CAPN15: variants seen among roughly 807,000 people sequenced by gnomAD.
CAPN15 encodes the protein calpain-15.
Under a neutral mutation model 97.9 loss-of-function variants are expected in CAPN15, and 53 were observed. The ratio of observed to expected loss-of-function variants is 0.54; its 90% CI spans 0.43 to 0.68. The LOEUF (loss-of-function observed/expected upper bound fraction) is 0.68. CAPN15 is among the 30% of genes least tolerant of loss of function. The pLI is 0.00. For missense variants in CAPN15, 1,592 were observed against 1,589.8 expected (o/e 1.00, Z -0.02); for synonymous variants, 922 against 722.5 (o/e 1.28, Z -4.43).
At position 553,577 on chromosome 16, in the gene CAPN15, T is replaced by C. The variant is rs2035265219; in HGVS notation, c.*61T>C. ...ACCCCCCACCCCCACACGCACTTTATGAGGGAGACCCCGACAGAGGACGCT... is the reference window on the plus strand; with the variant it reads ...ACCCCCCACCCCCACACGCACTTTACGAGGGAGACCCCGACAGAGGACGCT... On this transcript the variant is annotated 3_prime_UTR_variant, in exon 14 of 14. Coordinates refer to ENST00000219611, the MANE Select transcript of CAPN15 (RefSeq NM_005632.3). 2.2e-5 allele frequency: 23 copies of C among 1,050,880 alleles called. 1 individual carries two copies. The South Asian group carries it at 3.3e-4, about 15-fold the overall frequency. The allele number at this position is 1,050,880 out of a possible 1,614,324, so 65.1% of individuals were successfully genotyped here. A position where few individuals can be genotyped will look rare whatever the true frequency, so the allele number is the denominator to read the frequency against.
chr16:548,416 C>A, intron 4 of CAPN15, 129 bp downstream of exon 4: 1 of 929,426 alleles, frequency 1.1e-6, no homozygotes. Flanking sequence ...GGGAGGGCAG[C>A]ACCCTCCGCC....
In CAPN15 at chr16:551,507, T is replaced by A. The variant is rs2035077450; in HGVS notation, c.2193-5T>A. On this transcript the variant is annotated splice_polypyrimidine_tract_variant and splice_region_variant and intron_variant, in intron 8 of 13. Coordinates refer to ENST00000219611, the MANE Select transcript of CAPN15 (RefSeq NM_005632.3). The stretch of plus-strand genomic sequence containing the variant: ...GGTTCAGATCCTCACCCCTGTGGTC[T>A]GCAGGCTTCTGCGGCTCCGAAACCC... 1 of 1,608,844 alleles carries A rather than the reference T, an allele frequency of 6.2e-7. No individual in the cohort carries two copies. Among genetic ancestry groups the A allele is most frequent in the Admixed American group, 1.7e-5 (1 of 59,916 alleles).
chr16:553,158 G>C (rs1445089591), intron 13 of CAPN15, 117 bp downstream of exon 13: 3 of 317,960 alleles, frequency 9.4e-6, no homozygotes, highest in African/African-American at 5.0e-5. Context: ...CCCCTACCCC[G>C]CTGCACCCAC....
intron 9 of CAPN15, 88 bp from the exon 10 acceptor site, chr16:551,963 G>A (rs2035117641): frequency 2.9e-6 from 4 of 1,387,110 alleles, no homozygotes; most frequent in African/African-American, 1.4e-5. Flanking sequence ...CACCTGCTGG[G>A]GTCACCGGCC....
At chr16:536,251 G>A in intron 3 of CAPN15, 109 bp downstream of exon 3, 1 of 208,688 alleles carries the variant, frequency 4.8e-6, no homozygotes, top group Non-Finnish European at 8.4e-6. Context: ...GCCGGAGCCA[G>A]CACCCACGGC....
At position 551,440 on chromosome 16, in the gene CAPN15, T is replaced by C; in HGVS notation, c.2192+13T>C. The C allele has an allele frequency of 6.2e-7, 1 of 1,602,358 alleles. No homozygotes were observed. Among genetic ancestry groups the C allele is most frequent in the Non-Finnish European group, 8.5e-7 (1 of 1,171,846 alleles). On this transcript the variant is annotated intron_variant, in intron 8 of 13. Transcript: ENST00000219611. ...TCCAGGGCACCAGGTAGGGCCGGCC[T>C]GGCTGAGGGTGGGTGGGGTGCCGGT...
intron 1 of CAPN15, among the ~76,000 whole-genome samples, chr16:528,368 T>A (rs1486886026): frequency 6.6e-6 from 1 of 152,224 alleles, no homozygotes; most frequent in Non-Finnish European, 1.5e-5. Context: ...CGGCCCTGCC[T>A]GCCCTTGAGT....
Position 551,418 on chromosome 16 carries a change from A to G in CAPN15, c.2183A>G (p.Gln728Arg). Residue 728 changes from glutamine (Q) to arginine (R), a missense_variant, in exon 8 of 14, where the codon CAG (glutamine) becomes CGG (arginine). By Grantham distance (43) the Gln-to-Arg change is conservative. Around this residue, in one of 3 missense-constraint regions of CAPN15, gnomAD observed 644 missense variants for 699.6 expected, o/e 0.92. Coordinates refer to ENST00000219611, the MANE Select transcript of CAPN15 (RefSeq NM_005632.3). ...AYSILDVRDVQGTRLLRLRNP... is the reference protein window; with the variant it reads ...AYSILDVRDVRGTRLLRLRNP... ...TCCATCCTGGATGTCCGAGATGTCC[A>G]GGGCACCAGGTAGGGCCGGCCTGGC... The G allele has an allele frequency of 6.2e-7, 1 of 1,607,866 alleles. No homozygotes were observed. Among genetic ancestry groups the G allele is most frequent in the South Asian group, 1.1e-5 (1 of 90,818 alleles).
At chr16:551,256 C>G (rs2035059061) in intron 7 of CAPN15, 46 bp from the exon 8 acceptor site, 1 of 1,529,354 alleles carries the variant, frequency 6.5e-7, no homozygotes, top group East Asian at 2.3e-5. Flanking sequence ...GTGAGGGTCC[C>G]CTGTCGGTGA....
intron 3 of CAPN15, chr16:540,356 G>A (rs927582754): frequency 1.3e-5 from 13 of 985,382 alleles, no homozygotes; most frequent in South Asian, 9.4e-5. Flanking sequence ...CAGCCCCCAC[G>A]GCCCCGGGCC....
At position 537,466 on chromosome 16, in the gene CAPN15, A is replaced by T. The variant is rs538704789; in HGVS notation, c.-23+1324A>T. ...TGCGTGGGTGGGTGAGTGGCGAAGG[A>T]GCTGAGGTTGGCCCTGGCAGGTGTG... On this transcript the variant is annotated intron_variant, in intron 3 of 13. Coordinates refer to ENST00000219611, the MANE Select transcript of CAPN15 (RefSeq NM_005632.3). 3 of 985,020 alleles carry T rather than the reference A, an allele frequency of 3.0e-6. No homozygotes were observed. The East Asian group carries it at 3.4e-4, about 112-fold the overall frequency. 61.0% of individuals were successfully genotyped at this position (985,020 alleles called of 1,614,324 possible). A position where few individuals can be genotyped will look rare whatever the true frequency, so the allele number is the denominator to read the frequency against.
chr16:548,933 C>T (rs2034798583), intron 4 of CAPN15, 60 bp from the exon 5 acceptor site: 4 of 1,527,128 alleles, frequency 2.6e-6, no homozygotes, highest in South Asian at 1.1e-5. Flanking sequence ...GGGTCTTGTC[C>T]CTGCCAGGTG....
rs368205175 is a variant in CAPN15 at position 551,608 on chromosome 16, C to G, written c.2289C>G (p.Leu763=). The part of the protein sequence containing the change: ...PHWPGHLRGE[L]MPHGSSEGVF... Reference sequence around the variant, plus strand: ...GGCCGGGGCACCTGCGTGGCGAGCTCATGCCGCACGGCAGCAGTGAGGGTG... The same window carrying G: ...GGCCGGGGCACCTGCGTGGCGAGCTGATGCCGCACGGCAGCAGTGAGGGTG... The change falls in exon 9 of 14, where the codon CTC becomes CTG. Residue 763 remains leucine (L), a synonymous_variant. Coordinates refer to ENST00000219611, the MANE Select transcript of CAPN15 (RefSeq NM_005632.3). The G allele has an allele frequency of 6.8e-6, 11 of 1,607,546 alleles. No homozygotes were observed. The highest frequency in any genetic ancestry group is 9.3e-6 in the Non-Finnish European group (11 of 1,178,660).
intron 1 of CAPN15, among the ~76,000 whole-genome samples, chr16:530,793 G>C (rs2033194077): frequency 6.6e-6 from 1 of 152,234 alleles, no homozygotes; most frequent in Non-Finnish European, 1.5e-5. Context: ...GGCCCCCCAA[G>C]ATGAGCTGCG....
chr16:542,211 T>A (rs1228807953), intron 3 of CAPN15, among the ~76,000 whole-genome samples: 1 of 152,286 alleles, frequency 6.6e-6, no homozygotes, highest in Non-Finnish European at 1.5e-5. Context: ...CTAGGACTGC[T>A]TCCACGTGGC....
At chr16:550,699 CGGT>C in intron 7 of CAPN15, among the ~76,000 whole-genome samples, 1 of 148,876 alleles carries the variant, frequency 6.7e-6, no homozygotes, top group South Asian at 2.1e-4. Context: ...GTGAGGGTCC[CGGT>C]CGGTGAGGGT....
At position 548,078 on chromosome 16, in the gene CAPN15, G is replaced by A. The variant is rs768095438; in HGVS notation, c.1240G>A (p.Gly414Ser). 6.5e-6 allele frequency: 10 copies of A among 1,539,264 alleles called. No homozygotes were observed. The highest frequency in any genetic ancestry group is 7.9e-6 in the Non-Finnish European group (9 of 1,143,022). ...CGCCCGCGTCCTGCCCGAGCGCCCG[G>A]GCCAGTGGGCCTGCCCTGCCTGTAC... is the stretch of plus-strand genomic sequence containing the variant. ...KAARVLPERP[G>S]QWACPACTLL... Residue 414 changes from glycine (G) to serine (S), a missense_variant, in exon 4 of 14, where the codon GGC becomes AGC. Gly to Ser is a moderately conservative substitution (Grantham distance 56, BLOSUM62 0). This residue lies in a region of CAPN15 where 883 missense variants were observed against 776.6 expected (regional missense o/e 1.14). Transcript: ENST00000219611.
Position 549,333 on chromosome 16 carries a change from G to A in CAPN15, c.1704G>A (p.Val568=). The A allele has an allele frequency of 1.3e-6, 2 of 1,594,810 alleles. No homozygotes were observed. The change falls in exon 6 of 14, where the codon GTG becomes GTA. Residue 568 remains valine, a synonymous_variant. Transcript: ENST00000219611. ...LAVLAERPDL[V]ERVMVTRSLC... is the part of the protein sequence containing the mutation. ...TGCTGGCGGAGCGGCCGGACCTGGT[G>A]GAGCGGGTGATGGTCACGCGCAGCC...
At chr16:529,330 A>G (rs899988098) in intron 1 of CAPN15, among the ~76,000 whole-genome samples, 1 of 152,006 alleles carries the variant, frequency 6.6e-6, no homozygotes, top group African/African-American at 2.4e-5. Context: ...GTAATGCTGC[A>G]TCTGTGTGAC....
Sources: gnomAD v4.1 joint callset for allele counts (sites outside exome capture counted in the v4.1 genomes callset) on GRCh38, gnomAD v4.1.1 for gene constraint, gnomAD v4.1.1 regional missense constraint, MANE v1.5 for transcripts, NCBI Gene and HGNC (gene_info 2026-07-23, HGNC 2026-07-21) for gene names.